AVEN: variants seen among roughly 807,000 people sequenced by gnomAD.
AVEN encodes apoptosis and caspase activation inhibitor.
A neutral mutation model predicts 38.1 loss-of-function variants in AVEN; 41 were observed. The ratio of observed to expected loss-of-function variants is 1.08; its 90% CI spans 0.84 to 1.40. The LOEUF is 1.40. Ranked by LOEUF, AVEN falls within the 40% of genes most tolerant of loss-of-function variation. The pLI, the probability that AVEN is intolerant of heterozygous loss-of-function variation, is 0.00. For missense variants in AVEN, 605 were observed against 438.8 expected (o/e 1.38, Z -3.38); for synonymous variants, 206 against 171.8 (o/e 1.20, Z -1.56).
At chr15:33,861,627 T>C (rs117167424), downstream of AVEN, among the ~76,000 whole-genome samples, 4,935 of 152,252 alleles carry the variant, frequency 0.032, 158 homozygotes, top group Non-Finnish European at 0.039. Context: ...CATTCTCCTG[T>C]GAACCTCCTA....
intron 2 of AVEN, among the ~76,000 whole-genome samples, chr15:33,925,874 C>A (rs1006264485): frequency 6.6e-6 from 1 of 152,170 alleles, no homozygotes; most frequent in Admixed American, 6.5e-5. Flanking sequence ...ACTGTTCTAA[C>A]ATGATTATTA....
At position 33,882,306 on chromosome 15, in the gene AVEN, A is replaced by G. The variant is rs571030710; in HGVS notation, c.446-6311T>C. Among the ~76,000 whole-genome samples the G allele has an allele frequency of 2.0e-5, 3 of 152,298 alleles. No individual in the cohort carries two copies. The South Asian group carries it at 6.2e-4, about 32-fold the overall frequency. On this transcript the variant is annotated intron_variant, in intron 2 of 5. Transcript: ENST00000306730. ...AGGCATTTACTGGAATCTGTTTAAA[A>G]GGGGGAAGGGGGTAGCAAAACTGAT... is the stretch of plus-strand genomic sequence containing the variant.
At chr15:33,950,745 C>A (rs1894708441) in intron 2 of AVEN, among the ~76,000 whole-genome samples, 1 of 152,190 alleles carries the variant, frequency 6.6e-6, no homozygotes, top group East Asian at 1.9e-4. Context: ...GTGGCTCACA[C>A]CTGTAATCTC....
At chr15:33,856,394 TGA>T (rs1452492575), downstream of AVEN, 4 of 152,240 alleles carry the variant, frequency 2.6e-5, no homozygotes, top group Admixed American at 2.6e-4. Context: ...GCCTAGTCCT[TGA>T]GAGAGGTCAG....
intron 2 of AVEN, among the ~76,000 whole-genome samples, chr15:33,883,280 G>A (rs1009892523): frequency 2.6e-5 from 4 of 152,136 alleles, no homozygotes; most frequent in Non-Finnish European, 2.9e-5. Flanking sequence ...AAAAGCTGAC[G>A]GTGGTCAGAA....
intron 1 of AVEN, among the ~76,000 whole-genome samples, chr15:34,031,168 A>ATTTTTTTTTTTT (rs34414446): frequency 2.7e-4 from 18 of 67,600 alleles, no homozygotes; most frequent in African/African-American, 4.2e-4. Flanking sequence ...GCTTAGGTTA[A>ATTTTTTTTTTTT]TTTTTTTTTT....
At chr15:33,905,897 C>T (rs1479048945) in intron 2 of AVEN, among the ~76,000 whole-genome samples, 6 of 151,920 alleles carry the variant, frequency 3.9e-5, no homozygotes, top group African/African-American at 1.2e-4. Flanking sequence ...ACTGAAACAC[C>T]ATGCATCTTA....
chr15:33,891,057 C>T (rs931235592), intron 2 of AVEN, among the ~76,000 whole-genome samples: 27 of 150,980 alleles, frequency 1.8e-4, no homozygotes, highest in South Asian at 4.2e-4. Flanking sequence ...TGCAGTGAGC[C>T]GAGATCACAC....
chr15:34,045,170 T>A (rs1365321517), intron 5 of AVEN, among the ~76,000 whole-genome samples: 2 of 152,250 alleles, frequency 1.3e-5, no homozygotes, highest in Non-Finnish European at 2.9e-5. Context: ...CTTAGAGCTA[T>A]AAAGATGAAC....
chr15:33,987,690 CTCTT>C (rs1438760760), intron 2 of AVEN, among the ~76,000 whole-genome samples: 2 of 152,226 alleles, frequency 1.3e-5, no homozygotes, highest in East Asian at 1.9e-4. Context: ...ATTTATCTCT[CTCTT>C]TCTCTCTTTG....
chr15:33,918,682 T>C (rs943925056), intron 2 of AVEN, among the ~76,000 whole-genome samples: 2 of 152,086 alleles, frequency 1.3e-5, no homozygotes, highest in African/African-American at 4.8e-5. Flanking sequence ...CTTGAACTTC[T>C]GACTTCAGGT....
chr15:33,880,518 G>C (rs1035527854), intron 2 of AVEN, among the ~76,000 whole-genome samples: 2 of 152,182 alleles, frequency 1.3e-5, no homozygotes, highest in African/African-American at 2.4e-5. Flanking sequence ...CATCCTGTAA[G>C]TTAGGAGTAA....
At chr15:33,878,905 C>G (rs1891364375) in intron 2 of AVEN, among the ~76,000 whole-genome samples, 9 of 151,976 alleles carry the variant, frequency 5.9e-5, no homozygotes, top group Admixed American at 5.2e-4. Context: ...TGCTGAATGC[C>G]TTATTCAGTG....
chr15:33,945,138 C>A (rs1000775268), intron 2 of AVEN, among the ~76,000 whole-genome samples: 2 of 152,168 alleles, frequency 1.3e-5, no homozygotes, highest in South Asian at 2.1e-4. Context: ...TCTAGTGGGT[C>A]TCTTTATTTA....
chr15:33,906,695 C>T (rs1029436175), intron 2 of AVEN, among the ~76,000 whole-genome samples: 1 of 152,026 alleles, frequency 6.6e-6, no homozygotes, highest in Non-Finnish European at 1.5e-5. Flanking sequence ...CTCATAGAGA[C>T]AGAAAGTAAC....
intron 1 of AVEN, among the ~76,000 whole-genome samples, chr15:34,003,815 A>G (rs1897229655): frequency 6.6e-6 from 1 of 152,204 alleles, no homozygotes; most frequent in Non-Finnish European, 1.5e-5. Flanking sequence ...CCACATCTAC[A>G]TTTGTTTTAG....
intron 5 of AVEN, among the ~76,000 whole-genome samples, chr15:34,052,724 G>A (rs1386143727): frequency 3.3e-5 from 5 of 152,068 alleles, no homozygotes; most frequent in South Asian, 2.1e-4. Context: ...GAGCCAAATC[G>A]TGAATGAATT....
intron 2 of AVEN, chr15:33,885,596 A>C (rs538840012): frequency 6.6e-6 from 1 of 152,356 alleles, no homozygotes; most frequent in South Asian, 2.1e-4. Flanking sequence ...CCTGCTCAAC[A>C]GTGACTTATA....
At chr15:33,940,645 G>T (rs1050803833) in intron 2 of AVEN, among the ~76,000 whole-genome samples, 1 of 152,006 alleles carries the variant, frequency 6.6e-6, no homozygotes, top group Admixed American at 6.6e-5. Flanking sequence ...GGGTTCAAGC[G>T]ATTCTCCTGC....
Sources: allele counts gnomAD v4.1 joint callset (sites outside exome capture counted in the v4.1 genomes callset), GRCh38; gene constraint gnomAD v4.1.1; transcripts MANE v1.5; gene names NCBI Gene and HGNC (gene_info 2026-07-23, HGNC 2026-07-21).